MGAT4D: variants seen among roughly 807,000 people sequenced by gnomAD.
The protein encoded by MGAT4D is alpha-1,3-mannosyl-glycoprotein 4-beta-N-acetylglucosaminyltransferase-like protein MGAT4D.
Under a neutral mutation model 15.9 loss-of-function variants are expected in MGAT4D, and 34 were observed. The ratio of observed to expected loss-of-function variants is 2.14; its 90% CI spans 1.62 to 2.84. MGAT4D has a LOEUF of 2.84. Among genes scored for constraint, MGAT4D ranks in the 30% most tolerant of loss-of-function variants. MGAT4D has a pLI of 0.00. For missense variants in MGAT4D, 327 were observed against 140.2 expected (o/e 2.33, Z -6.73); for synonymous variants, 112 against 48.2 (o/e 2.33, Z -5.49).
chr4:140,454,868 T>C (rs1730696079), intron 9 of MGAT4D, among the ~76,000 whole-genome samples: 1 of 150,532 alleles, frequency 6.6e-6, no homozygotes, highest in South Asian at 2.1e-4. Flanking sequence ...CTCTTTTATA[T>C]GCATGGAAGT....
At chr4:140,470,751 T>G (rs373735704) in intron 5 of MGAT4D, among the ~76,000 whole-genome samples, 6 of 152,244 alleles carry the variant, frequency 3.9e-5, no homozygotes, top group Admixed American at 3.3e-4. Flanking sequence ...TTCTGCTCAA[T>G]TATTACCTTC....
rs146210817 is a variant in MGAT4D at position 140,452,143 on chromosome 4, G to A, written c.1009-626C>T. ...TTGCTCAGGAGTTTGAGACCACCTT[G>A]GGCAATATAGTGAGACTCCATTTTT... On this transcript the variant is annotated intron_variant, in intron 9 of 10. Coordinates refer to ENST00000511113, the MANE Select transcript of MGAT4D (RefSeq NM_001277353.2). Among the ~76,000 whole-genome samples, 77 of 151,768 alleles carry A rather than the reference G, an allele frequency of 5.1e-4. 1 individual carries two copies. Among genetic ancestry groups the A allele is most frequent in the African/African-American group, 1.7e-3 (70 of 41,392 alleles).
intron 10 of MGAT4D, among the ~76,000 whole-genome samples, chr4:140,450,791 G>A (rs898886419): frequency 9.9e-5 from 15 of 152,278 alleles, no homozygotes; most frequent in Non-Finnish European, 1.9e-4. Flanking sequence ...GATGAAGAAA[G>A]CTCAGAGGAG....
At position 140,474,797 on chromosome 4, in the gene MGAT4D, T is replaced by C; in HGVS notation, c.525+16A>G. On this transcript the variant is annotated intron_variant, in intron 4 of 10. Transcript: ENST00000511113. Reference sequence around the variant, plus strand: ...TAGGGTGAGGATAAGGAGAGCTCCTTATTTTGTATACGTACATCTGCAACC... The same window carrying C: ...TAGGGTGAGGATAAGGAGAGCTCCTCATTTTGTATACGTACATCTGCAACC... 1.5e-6 allele frequency: 1 copy of C among 648,664 alleles called. No individual in the cohort carries two copies. Among genetic ancestry groups the C allele is most frequent in the South Asian group, 1.7e-5 (1 of 57,444 alleles). The allele number at this position is 648,664 out of a possible 1,614,324, so 40.2% of individuals were successfully genotyped here.
chr4:140,471,857 A>T (rs537461995), intron 4 of MGAT4D, 36 bp from the exon 5 acceptor site: 2 of 426,346 alleles, frequency 4.7e-6, no homozygotes, highest in Non-Finnish European at 8.4e-6. Context: ...GAAACTAAGC[A>T]TGTCTCATAG....
chr4:140,469,035 A>G (rs539710240), intron 5 of MGAT4D, among the ~76,000 whole-genome samples: 198 of 152,248 alleles, frequency 1.3e-3, no homozygotes, highest in African/African-American at 3.9e-3. Flanking sequence ...CTACTGCAGC[A>G]CAAGTAAAAA....
intron 1 of MGAT4D, among the ~76,000 whole-genome samples, chr4:140,488,046 A>G (rs1733258034): frequency 6.6e-6 from 1 of 152,178 alleles, no homozygotes; most frequent in East Asian, 1.9e-4. Flanking sequence ...TCTCTTTATC[A>G]TCATTGATAC....
In MGAT4D at chr4:140,498,238, G is replaced by A; in HGVS notation, c.-16C>T. 1.4e-6 allele frequency: 1 copy of A among 701,782 alleles called. No homozygotes were observed. Among genetic ancestry groups the A allele is most frequent in the Non-Finnish European group, 2.6e-6 (1 of 384,250 alleles). 43.5% of individuals were successfully genotyped at this position (701,782 alleles called of 1,614,324 possible). On this transcript the variant is annotated 5_prime_UTR_variant, in exon 1 of 11. Coordinates refer to ENST00000511113, the MANE Select transcript of MGAT4D (RefSeq NM_001277353.2). The stretch of plus-strand genomic sequence containing the variant: ...TGGTCCTCATGGCCCTGGCCAGGCT[G>A]CGGGAGGCCGGCGGGTGGAGGCGGC...
At position 140,469,542 on chromosome 4, in the gene MGAT4D, C is replaced by T. The variant is rs376515117; in HGVS notation, c.572+2233G>A. On this transcript the variant is annotated intron_variant, in intron 5 of 10. Coordinates refer to ENST00000511113, the MANE Select transcript of MGAT4D (RefSeq NM_001277353.2). Reference sequence around the variant, plus strand: ...GGTCGCTCATTGTAATTGATTATCCCTATTTCTTTTTAAAATTTATTATCT... The same window carrying T: ...GGTCGCTCATTGTAATTGATTATCCTTATTTCTTTTTAAAATTTATTATCT... Among the ~76,000 whole-genome samples, 38 of 152,206 alleles carry T rather than the reference C, an allele frequency of 2.5e-4. 1 individual carries two copies. The South Asian group carries it at 7.0e-3, about 28-fold the overall frequency.
chr4:140,482,048 G>A (rs766499035), intron 2 of MGAT4D, among the ~76,000 whole-genome samples: 5 of 152,132 alleles, frequency 3.3e-5, no homozygotes, highest in South Asian at 2.1e-4. Context: ...GAGGTAGAGC[G>A]AGGGGTCAGA....
chr4:140,491,690 G>C (rs1252673563), intron 1 of MGAT4D, among the ~76,000 whole-genome samples: 3 of 151,832 alleles, frequency 2.0e-5, no homozygotes, highest in Non-Finnish European at 1.5e-5. Flanking sequence ...AATTCAAGCA[G>C]GAGATGGATA....
Position 140,473,868 on chromosome 4 carries a change from A to AC in MGAT4D, c.525+944_525+945insG, listed in dbSNP as rs559765955. 1.0e-4 allele frequency among the ~76,000 whole-genome samples: 15 copies of AC among 147,258 alleles called. No homozygotes were observed. The East Asian group carries it at 2.8e-3, about 27-fold the overall frequency. On this transcript the variant is annotated intron_variant, in intron 4 of 10. Coordinates refer to ENST00000511113, the MANE Select transcript of MGAT4D (RefSeq NM_001277353.2). The stretch of plus-strand genomic sequence containing the variant: ...TGCACACCATCATTTCTAGCTAAGC[A>AC]TTTTTTTTTTTTAGTAGAGATGGGG...
chr4:140,468,441 CT>C (rs1406230803), intron 5 of MGAT4D, among the ~76,000 whole-genome samples: 1 of 152,144 alleles, frequency 6.6e-6, no homozygotes, highest in Non-Finnish European at 1.5e-5. Flanking sequence ...CTTCAAAAGG[CT>C]TACAATGATG....
At chr4:140,456,091 T>A (rs1418621684) in intron 9 of MGAT4D, among the ~76,000 whole-genome samples, 1 of 152,168 alleles carries the variant, frequency 6.6e-6, no homozygotes, top group Non-Finnish European at 1.5e-5. Context: ...TGAGCTGTGA[T>A]TGTGCCACTG....
At chr4:140,470,269 G>C (rs1265250859) in intron 5 of MGAT4D, among the ~76,000 whole-genome samples, 1 of 152,102 alleles carries the variant, frequency 6.6e-6, no homozygotes, top group Non-Finnish European at 1.5e-5. Flanking sequence ...TACCTTCCTC[G>C]TAAAGTTCCC....
chr4:140,481,599 T>C (rs553234365), intron 2 of MGAT4D, among the ~76,000 whole-genome samples: 3 of 152,302 alleles, frequency 2.0e-5, no homozygotes, highest in African/African-American at 7.2e-5. Flanking sequence ...AATATGTCCA[T>C]TGAACATCGA....
intron 1 of MGAT4D, among the ~76,000 whole-genome samples, chr4:140,488,390 A>G (rs903601065): frequency 2.1e-4 from 32 of 152,340 alleles, no homozygotes; most frequent in African/African-American, 7.7e-4. Context: ...GATATGAATA[A>G]AATCTGGCTC....
chr4:140,474,358 A>ATCTCTCAAGCATAAGAAAG (rs1732173674), intron 4 of MGAT4D, among the ~76,000 whole-genome samples: 1 of 152,136 alleles, frequency 6.6e-6, no homozygotes, highest in African/African-American at 2.4e-5. Flanking sequence ...ATCATCTACA[A>ATCTCTCAAGCATAAGAAAG]TCTCTCAAGC....
chr4:140,463,264 C>G (rs1261865635), intron 6 of MGAT4D, among the ~76,000 whole-genome samples: 4 of 152,150 alleles, frequency 2.6e-5, no homozygotes, highest in Non-Finnish European at 5.9e-5. Context: ...GCCAGTGGAA[C>G]TGGGGAGGGG....
Sources: allele counts gnomAD v4.1 joint callset (sites outside exome capture counted in the v4.1 genomes callset), GRCh38; gene constraint gnomAD v4.1.1; transcripts MANE v1.5; gene names NCBI Gene and HGNC (gene_info 2026-07-23, HGNC 2026-07-21).